The following KCNG3 variants were observed in gnomAD, a reference collection of about 807,000 sequenced individuals.
KCNG3 encodes the protein potassium voltage-gated channel modifier subfamily G member 3.
In KCNG3, 15 loss-of-function variants were observed where a neutral mutation model predicts 29.0. The ratio of observed to expected loss-of-function variants is 0.52; its 90% CI spans 0.35 to 0.80. The LOEUF is 0.80. Ranked by LOEUF, KCNG3 falls within the 30% of genes least tolerant of loss-of-function variation. The pLI is 0.01. For missense variants in KCNG3, 512 were observed against 605.7 expected (o/e 0.85, Z 1.62); for synonymous variants, 322 against 248.9 (o/e 1.29, Z -2.76).
chr2:42,415,482 C>A, the KCNG3 span: 1 of 152,058 alleles, frequency 6.6e-6, no homozygotes, highest in Non-Finnish European at 1.5e-5. Context: ...TGGCAACATA[C>A]CAGATAAGGG....
intron 1 of KCNG3, among the ~76,000 whole-genome samples, chr2:42,478,757 T>C (rs1572861562): frequency 6.6e-6 from 1 of 152,104 alleles, no homozygotes; most frequent in Non-Finnish European, 1.5e-5. Flanking sequence ...AGGGCAAGGG[T>C]CCCGTCTTGG....
chr2:42,442,880 C>G lies in KCNG3; in HGVS notation c.*1054G>C, dbSNP rs551291318. 1.3e-5 allele frequency: 2 copies of G among 152,114 alleles called. No homozygotes were observed. The highest frequency in any genetic ancestry group is 4.1e-4 in the South Asian group (2 of 4,832). 9.4% of individuals were successfully genotyped at this position (152,114 alleles called of 1,614,324 possible). A position where few individuals can be genotyped will look rare whatever the true frequency, so the allele number is the denominator to read the frequency against. On this transcript the variant is annotated 3_prime_UTR_variant, in exon 2 of 2. Coordinates refer to ENST00000306078, the MANE Select transcript of KCNG3 (RefSeq NM_133329.6). ...TCAGATCAAATCATTATGTATCCAT[C>G]GCTTTTACTGGCTTAAAATTGACTT...
intron 1 of KCNG3, among the ~76,000 whole-genome samples, chr2:42,479,540 G>A (rs563435827): frequency 6.6e-6 from 1 of 151,898 alleles, no homozygotes; most frequent in Non-Finnish European, 1.5e-5. Flanking sequence ...CAGCCACTTG[G>A]GGGGCTGAGG....
intron 1 of KCNG3, among the ~76,000 whole-genome samples, chr2:42,474,429 G>A (rs1673372549): frequency 1.3e-5 from 2 of 152,126 alleles, no homozygotes; most frequent in South Asian, 4.1e-4. Flanking sequence ...TCGGGAGGCT[G>A]AGGCACGAGA....
the KCNG3 span, among the ~76,000 whole-genome samples, chr2:42,433,232 T>C: frequency 6.6e-6 from 1 of 152,220 alleles, no homozygotes; most frequent in African/African-American, 2.4e-5. Context: ...ATCTTATATA[T>C]AGAAAACCTA....
chr2:42,429,462 G>A, the KCNG3 span, among the ~76,000 whole-genome samples: 1 of 152,210 alleles, frequency 6.6e-6, no homozygotes, highest in African/African-American at 2.4e-5. Context: ...TGAGCTTAGA[G>A]TAAAATTCAT....
At chr2:42,492,753 G>A in intron 1 of KCNG3, 84 bp downstream of exon 1, 1 of 1,264,868 alleles carries the variant, frequency 7.9e-7, no homozygotes, top group Non-Finnish European at 1.0e-6. Flanking sequence ...GCCCGGAGGC[G>A]GACAGGACGG....
the KCNG3 span, among the ~76,000 whole-genome samples, chr2:42,434,866 G>A: frequency 6.6e-6 from 1 of 152,072 alleles, no homozygotes; most frequent in African/African-American, 2.4e-5. Flanking sequence ...ATTACATGGG[G>A]AAAGACTGAT....
At chr2:42,416,967 G>T in the KCNG3 span, among the ~76,000 whole-genome samples, 1 of 151,534 alleles carries the variant, frequency 6.6e-6, no homozygotes, top group African/African-American at 2.4e-5. Context: ...ACATAAATTC[G>T]TCCTGGCACG....
At chr2:42,458,267 G>C (rs1448452966) in intron 1 of KCNG3, among the ~76,000 whole-genome samples, 1 of 152,116 alleles carries the variant, frequency 6.6e-6, no homozygotes, top group Admixed American at 6.5e-5. Context: ...TATTCCGTCG[G>C]ATCTCTTTTC....
intron 1 of KCNG3, among the ~76,000 whole-genome samples, chr2:42,452,516 C>G (rs1255675183): frequency 6.6e-6 from 1 of 151,584 alleles, no homozygotes; most frequent in Non-Finnish European, 1.5e-5. Context: ...ACTTCCCCAC[C>G]ACCCCCGCTA....
chr2:42,405,088 T>C, the KCNG3 span, among the ~76,000 whole-genome samples: 1 of 152,340 alleles, frequency 6.6e-6, no homozygotes, highest in African/African-American at 2.4e-5. Context: ...AGAAACCTAA[T>C]TGAAATGCAG....
chr2:42,443,761 T>C lies in KCNG3; in HGVS notation c.*173A>G, dbSNP rs1672538405. 2 of 585,176 alleles carry C rather than the reference T, an allele frequency of 3.4e-6. No homozygotes were observed. Among genetic ancestry groups the C allele is most frequent in the Admixed American group, 3.4e-5 (1 of 29,042 alleles). 36.2% of individuals were successfully genotyped at this position (585,176 alleles called of 1,614,324 possible). A position where few individuals can be genotyped will look rare whatever the true frequency, so the allele number is the denominator to read the frequency against. On this transcript the variant is annotated 3_prime_UTR_variant, in exon 2 of 2. Coordinates refer to ENST00000306078, the MANE Select transcript of KCNG3 (RefSeq NM_133329.6). ...TATTCTTCCTTTGCAGTCTCAATTC[T>C]ATTTACTCCATAACAAGTAAACTGT...
the KCNG3 span, among the ~76,000 whole-genome samples, chr2:42,394,009 G>C: frequency 1.3e-5 from 2 of 152,090 alleles, no homozygotes; most frequent in African/African-American, 4.8e-5. Context: ...TTGAACTCCT[G>C]ACCTCAGGTG....
chr2:42,438,326 C>T (rs1672411078), downstream of KCNG3, among the ~76,000 whole-genome samples: 1 of 152,090 alleles, frequency 6.6e-6, no homozygotes, highest in Non-Finnish European at 1.5e-5. Flanking sequence ...GAATTATTTC[C>T]AAATAACAGA....
At chr2:42,404,115 G>C in the KCNG3 span, among the ~76,000 whole-genome samples, 2 of 152,292 alleles carry the variant, frequency 1.3e-5, no homozygotes, top group South Asian at 2.1e-4. Flanking sequence ...CTTTGCATGG[G>C]CATTTGGGAG....
At chr2:42,409,847 CG>C in the KCNG3 span, among the ~76,000 whole-genome samples, 1 of 151,784 alleles carries the variant, frequency 6.6e-6, no homozygotes, top group South Asian at 2.1e-4. Context: ...TTGGCTATAA[CG>C]TGATTGACAA....
At chr2:42,420,341 A>T in the KCNG3 span, among the ~76,000 whole-genome samples, 1 of 152,236 alleles carries the variant, frequency 6.6e-6, no homozygotes, top group Admixed American at 6.5e-5. Context: ...AAGTTACTTA[A>T]CTACCCTGAG....
intron 1 of KCNG3, among the ~76,000 whole-genome samples, chr2:42,472,723 C>A (rs1572857115): frequency 6.6e-6 from 1 of 151,596 alleles, no homozygotes; most frequent in South Asian, 2.1e-4. Flanking sequence ...TGGTCTCAAA[C>A]TATTGGCCTC....
Sources: gnomAD v4.1 joint callset for allele counts (sites outside exome capture counted in the v4.1 genomes callset) on GRCh38, gnomAD v4.1.1 for gene constraint, MANE v1.5 for transcripts, NCBI Gene and HGNC (gene_info 2026-07-23, HGNC 2026-07-21) for gene names.